PARD3: variants seen among roughly 807,000 people sequenced by gnomAD.
PARD3 encodes par-3 family cell polarity regulator.
PARD3 carries 75 observed loss-of-function variants against 155.4 expected under a neutral mutation model. The ratio of observed to expected loss-of-function variants is 0.48; its 90% confidence interval spans 0.40 to 0.58. PARD3 has a LOEUF of 0.58. PARD3 is among the 20% of genes least tolerant of loss of function. PARD3 has a pLI of 0.00. For missense variants in PARD3, 1,642 were observed against 1,721.7 expected, an observed-to-expected ratio of 0.95 and a Z score of 0.82; for synonymous variants, 576 against 610.5, an observed-to-expected ratio of 0.94 and a Z score of 0.83.
At chr10:34,402,705 A>G (rs868174869) in intron 5 of PARD3, among the ~76,000 whole-genome samples, 6 of 152,204 alleles carry the variant, frequency 3.9e-5, no homozygotes, top group South Asian at 2.1e-4. Flanking sequence ...CAGAAATTCA[A>G]TAAGTTTGCT....
At chr10:34,443,727 G>C (rs1356626885) in intron 5 of PARD3, among the ~76,000 whole-genome samples, 3 of 152,088 alleles carry the variant, frequency 2.0e-5, no homozygotes, top group African/African-American at 7.2e-5. Flanking sequence ...GATGAGATTT[G>C]GGTGGGGACA....
intron 22 of PARD3, among the ~76,000 whole-genome samples, chr10:34,239,361 C>T (rs1280684741): frequency 2.0e-5 from 3 of 152,194 alleles, no homozygotes; most frequent in East Asian, 1.9e-4. Context: ...GTACCAAAAG[C>T]GGAGCCTCCG....
chr10:34,760,928 T>C (rs1240464517), intron 1 of PARD3, among the ~76,000 whole-genome samples: 1 of 152,198 alleles, frequency 6.6e-6, no homozygotes, highest in East Asian at 1.9e-4. Flanking sequence ...ATGTCTGTTT[T>C]TTAAACCACT....
At chr10:34,581,998 A>G (rs900097516) in intron 2 of PARD3, among the ~76,000 whole-genome samples, 2 of 152,378 alleles carry the variant, frequency 1.3e-5, no homozygotes, top group African/African-American at 4.8e-5. Context: ...AAGGAATGTT[A>G]AGAATAGGAA....
intron 1 of PARD3, among the ~76,000 whole-genome samples, chr10:34,813,864 C>G (rs983924836): frequency 5.3e-5 from 8 of 152,190 alleles, no homozygotes; most frequent in Non-Finnish European, 1.2e-4. Flanking sequence ...GACTCTACTA[C>G]AAAGGAAATA....
chr10:34,338,204 C>T (rs565475725), intron 16 of PARD3, among the ~76,000 whole-genome samples: 1 of 152,326 alleles, frequency 6.6e-6, no homozygotes, highest in South Asian at 2.1e-4. Flanking sequence ...GTGACACCAA[C>T]ACAGTGGCTC....
chr10:34,216,996 AACTATATTAG>A (rs1294799362), intron 22 of PARD3, among the ~76,000 whole-genome samples: 1 of 152,228 alleles, frequency 6.6e-6, no homozygotes, highest in African/African-American at 2.4e-5. Context: ...TTGTCTCTTT[AACTATATTAG>A]ACAAATGACT....
rs1316458281 is a variant in PARD3, at chr10:34,489,490, T to C, written c.404-19227A>G. Among the ~76,000 whole-genome samples the C allele has an allele frequency of 1.2e-4, 19 of 152,238 alleles. 1 individual carries two copies. The highest frequency in any genetic ancestry group is 1.2e-3 in the Admixed American group (19 of 15,280). On this transcript the variant is annotated intron_variant, in intron 3 of 24. Coordinates refer to ENST00000374788, the MANE Select transcript of PARD3 (RefSeq NM_001184785.2). Reference sequence around the variant, plus strand: ...TGGCTCATTATCCACTTCTCTGTCTTAACTGTTCCAGTTTCAAATTAATTC... The same window carrying C: ...TGGCTCATTATCCACTTCTCTGTCTCAACTGTTCCAGTTTCAAATTAATTC...
intron 21 of PARD3, among the ~76,000 whole-genome samples, chr10:34,275,820 T>C (rs1454401148): frequency 2.0e-5 from 3 of 152,158 alleles, no homozygotes; most frequent in African/African-American, 7.2e-5. Context: ...TATAAAAGCA[T>C]ACCCCCTTTA....
intron 9 of PARD3, among the ~76,000 whole-genome samples, chr10:34,380,392 T>C (rs182763733): frequency 7.0e-4 from 106 of 152,252 alleles, no homozygotes; most frequent in African/African-American, 2.2e-3. Flanking sequence ...AAGCATAGTC[T>C]TTCTAAATTA....
intron 22 of PARD3, among the ~76,000 whole-genome samples, chr10:34,230,508 C>A (rs146434695): frequency 2.0e-5 from 3 of 152,074 alleles, no homozygotes; most frequent in Non-Finnish European, 4.4e-5. Context: ...CCATACCTAG[C>A]GACTCCCACT....
intron 1 of PARD3, among the ~76,000 whole-genome samples, chr10:34,703,044 A>C (rs574008448): frequency 7.9e-5 from 12 of 152,272 alleles, no homozygotes; most frequent in Middle Eastern, 3.4e-3. Flanking sequence ...AAAGAAAGAA[A>C]CGTGGTGAGA....
chr10:34,782,521 G>C (rs572440408), intron 1 of PARD3, among the ~76,000 whole-genome samples: 1 of 151,966 alleles, frequency 6.6e-6, no homozygotes, highest in African/African-American at 2.4e-5. Flanking sequence ...TCCTCACAAC[G>C]ACATCAAAAC....
rs974237537 is a variant in PARD3 at position 34,120,995 on chromosome 10, C to T, written c.3541-1255G>A. On this transcript the variant is annotated intron_variant, in intron 23 of 24. Coordinates refer to ENST00000374788, the MANE Select transcript of PARD3 (RefSeq NM_001184785.2). Reference sequence around the variant, plus strand: ...ACCGCTTGAGCCTAGGAGATTGAGGCTGCAGTAAGCCATGACCGTGCCATT... The same window carrying T: ...ACCGCTTGAGCCTAGGAGATTGAGGTTGCAGTAAGCCATGACCGTGCCATT... Among the ~76,000 whole-genome samples, 3 of 151,288 alleles carry T rather than the reference C, an allele frequency of 2.0e-5. No individual in the cohort carries two copies. The East Asian group carries it at 5.8e-4, about 29-fold the overall frequency.
chr10:34,508,928 A>G (rs1225908801), intron 3 of PARD3, among the ~76,000 whole-genome samples: 1 of 152,206 alleles, frequency 6.6e-6, no homozygotes, highest in Non-Finnish European at 1.5e-5. Flanking sequence ...AACTGTGAAC[A>G]TTATCTCATT....
At chr10:34,301,891 A>G (rs887989134) in intron 20 of PARD3, among the ~76,000 whole-genome samples, 1 of 142,864 alleles carries the variant, frequency 7.0e-6, no homozygotes, top group African/African-American at 2.6e-5. Context: ...AAATACATCT[A>G]TATGTCTCTG....
At chr10:34,294,744 G>A (rs552208027) in intron 20 of PARD3, among the ~76,000 whole-genome samples, 8 of 152,136 alleles carry the variant, frequency 5.3e-5, no homozygotes, top group Non-Finnish European at 1.2e-4. Context: ...CTAATTCTTA[G>A]AACAGGAAAG....
intron 2 of PARD3, among the ~76,000 whole-genome samples, chr10:34,553,873 G>A (rs2084788307): frequency 6.6e-6 from 1 of 152,162 alleles, no homozygotes. Context: ...CCAGTGGCTG[G>A]CATCTTGAGG....
intron 2 of PARD3, among the ~76,000 whole-genome samples, chr10:34,639,687 A>G (rs1312114565): frequency 6.6e-6 from 1 of 152,144 alleles, no homozygotes; most frequent in East Asian, 1.9e-4. Context: ...GCAATACCCC[A>G]TTTCTACAAA....
Sources: allele counts gnomAD v4.1 joint callset (sites outside exome capture counted in the v4.1 genomes callset), GRCh38; gene constraint gnomAD v4.1.1; transcripts MANE v1.5; gene names NCBI Gene and HGNC (gene_info 2026-07-23, HGNC 2026-07-21).